PPP4R1: variants seen among roughly 807,000 people sequenced by gnomAD.
PPP4R1 encodes the protein protein phosphatase 4 regulatory subunit 1.
PPP4R1 carries 42 observed loss-of-function variants against 111.2 expected under a neutral mutation model. The ratio of observed to expected loss-of-function variants is 0.38; its 90% confidence interval spans 0.29 to 0.49. The LOEUF (loss-of-function observed/expected upper bound fraction) is 0.49. PPP4R1 is among the 20% of genes least tolerant of loss of function. The probability of loss-of-function intolerance (pLI) is 0.97; values close to 1 mark genes in which losing one functional copy is unlikely to be tolerated. For missense variants in PPP4R1, 1,012 were observed against 1,161.6 expected, an observed-to-expected ratio of 0.87 and a Z score of 1.87; for synonymous variants, 409 against 405.5, an observed-to-expected ratio of 1.01 and a Z score of -0.10.
chr18:9,617,008 TCTC>T (rs774506522), upstream of PPP4R1: 5 of 152,224 alleles, frequency 3.3e-5, no homozygotes, highest in Non-Finnish European at 5.9e-5. Flanking sequence ...TTTCACTTTC[TCTC>T]CTTTCTAAAA....
intron 16 of PPP4R1, among the ~76,000 whole-genome samples, chr18:9,552,205 T>C (rs984661386): frequency 6.6e-6 from 1 of 152,178 alleles, no homozygotes; most frequent in Non-Finnish European, 1.5e-5. Flanking sequence ...ACAACACAAC[T>C]TAAGATAATC....
rs762801541 is a variant in PPP4R1, at chr18:9,577,208, G to A, written c.919-17C>T. The A allele has an allele frequency of 5.7e-6, 9 of 1,590,836 alleles. No individual in the cohort carries two copies. Among genetic ancestry groups the A allele is most frequent in the South Asian group, 1.2e-5 (1 of 86,536 alleles). On this transcript the variant is annotated splice_polypyrimidine_tract_variant and intron_variant, in intron 9 of 19. Coordinates refer to ENST00000400556, the MANE Select transcript of PPP4R1 (RefSeq NM_001042388.3). The stretch of plus-strand genomic sequence containing the variant: ...TTGGCGAACCTAGGAAGATAAAAAG[G>A]ACAATAATAAAGGAATCATTTTGAA...
At chr18:9,556,754 T>G (rs565342902) in intron 15 of PPP4R1, among the ~76,000 whole-genome samples, 3 of 152,186 alleles carry the variant, frequency 2.0e-5, no homozygotes, top group Non-Finnish European at 4.4e-5. Context: ...CAACAGGGGT[T>G]TGAACTGCAT....
intron 11 of PPP4R1, 54 bp downstream of exon 11, chr18:9,570,103 G>C (rs1333668711): frequency 4.1e-6 from 6 of 1,462,612 alleles, no homozygotes; most frequent in African/African-American, 1.4e-5. Flanking sequence ...TTTTAAGATA[G>C]ACACTAATAT....
At chr18:9,584,416 A>C (rs1471398968) in intron 8 of PPP4R1, 99 bp downstream of exon 8, 2 of 1,004,944 alleles carry the variant, frequency 2.0e-6, no homozygotes, top group Non-Finnish European at 2.8e-6. Flanking sequence ...TATTCATGGA[A>C]TTGTGTTAAT....
chr18:9,599,393 A>C (rs1170831458), intron 2 of PPP4R1, among the ~76,000 whole-genome samples: 5 of 152,232 alleles, frequency 3.3e-5, no homozygotes, highest in Non-Finnish European at 5.9e-5. Context: ...ACACCACCTA[A>C]GTAATCTAAA....
At chr18:9,599,545 G>A (rs543792601) in intron 2 of PPP4R1, 2 of 152,272 alleles carry the variant, frequency 1.3e-5, no homozygotes, top group East Asian at 3.9e-4. Context: ...TAAAGGCAGA[G>A]ACTGTCAAAT....
At chr18:9,554,662 G>A (rs1456798837) in intron 15 of PPP4R1, among the ~76,000 whole-genome samples, 1 of 152,084 alleles carries the variant, frequency 6.6e-6, no homozygotes, top group Non-Finnish European at 1.5e-5. Flanking sequence ...CAGGAGCAAT[G>A]AGCACTTCCA....
intron 4 of PPP4R1, among the ~76,000 whole-genome samples, chr18:9,591,286 G>T (rs1287253033): frequency 1.3e-5 from 2 of 151,712 alleles, no homozygotes; most frequent in Non-Finnish European, 2.9e-5. Flanking sequence ...GAAGAAGGTT[G>T]TAGTGAGCCA....
intron 6 of PPP4R1, 117 bp from the exon 7 acceptor site, chr18:9,584,945 A>G: frequency 1.3e-6 from 1 of 782,622 alleles, no homozygotes; most frequent in Non-Finnish European, 2.0e-6. Flanking sequence ...GCATCATTAT[A>G]CTATATACAT....
intron 15 of PPP4R1, among the ~76,000 whole-genome samples, chr18:9,554,443 C>T (rs2066538443): frequency 6.6e-6 from 1 of 151,702 alleles, no homozygotes; most frequent in African/African-American, 2.4e-5. Flanking sequence ...CTAAATATTA[C>T]ACATTAATGT....
At chr18:9,601,706 T>C (rs1055529141) in intron 2 of PPP4R1, among the ~76,000 whole-genome samples, 3 of 152,042 alleles carry the variant, frequency 2.0e-5, no homozygotes, top group African/African-American at 7.2e-5. Flanking sequence ...TTGCCCAGGT[T>C]GGTCTTGAAC....
chr18:9,557,096 C>T (rs2066599728), intron 15 of PPP4R1, 125 bp downstream of exon 15: 4 of 883,166 alleles, frequency 4.5e-6, no homozygotes, highest in African/African-American at 3.5e-5. Flanking sequence ...ATCTTAACAT[C>T]AACTTATGGC....
At chr18:9,587,504 AT>A (rs2067139781) in intron 6 of PPP4R1, 1 of 151,478 alleles carries the variant, frequency 6.6e-6, no homozygotes, top group African/African-American at 2.4e-5. Context: ...CCAGGTTCAA[AT>A]GATTCTCGTG....
chr18:9,549,395 C>T lies in PPP4R1; in HGVS notation c.2548-57G>A, dbSNP rs182421203. 4.0e-4 allele frequency: 613 copies of T among 1,547,030 alleles called. 2 individuals carry two copies. The highest frequency in any genetic ancestry group is 2.2e-4 in the Non-Finnish European group (244 of 1,132,184). On this transcript the variant is annotated intron_variant, in intron 18 of 19. Transcript: ENST00000400556. The stretch of plus-strand genomic sequence containing the variant: ...TCTGTCAATGTAGCCAAAAACTCGA[C>T]TACTGGCTAACAAAATCTCTGAGTG...
intron 11 of PPP4R1, 74 bp from the exon 12 acceptor site, chr18:9,563,624 G>A (rs1037212064): frequency 1.5e-6 from 2 of 1,326,916 alleles, no homozygotes; most frequent in African/African-American, 1.5e-5. Context: ...TTCTCCATTT[G>A]CACTGTACGT....
chr18:9,559,630 G>A (rs375055669), intron 13 of PPP4R1, 26 bp from the exon 14 acceptor site: 3 of 1,520,502 alleles, frequency 2.0e-6, no homozygotes, highest in Admixed American at 3.7e-5. Flanking sequence ...AAACCACAGT[G>A]ACTGAGCAGC....
chr18:9,592,584 T>C (rs987281530), intron 4 of PPP4R1, among the ~76,000 whole-genome samples: 6 of 152,014 alleles, frequency 3.9e-5, no homozygotes, highest in African/African-American at 1.2e-4. Context: ...GTTTGATGTA[T>C]ACTGAATGAA....
At chr18:9,579,973 G>A (rs563727256) in intron 9 of PPP4R1, among the ~76,000 whole-genome samples, 48 of 152,128 alleles carry the variant, frequency 3.2e-4, no homozygotes, top group African/African-American at 1.1e-3. Context: ...AAATTAACAG[G>A]AACTAATGCA....
Sources: gnomAD v4.1 joint callset for allele counts (sites outside exome capture counted in the v4.1 genomes callset) on GRCh38, gnomAD v4.1.1 for gene constraint, MANE v1.5 for transcripts, NCBI Gene and HGNC (gene_info 2026-07-23, HGNC 2026-07-21) for gene names.